Variants in ERC1 observed in about 807,000 individuals in gnomAD.
ERC1 encodes RAB6 interacting protein 2.
Under a neutral mutation model 132.0 loss-of-function variants are expected in ERC1, and 56 were observed. That is an observed-to-expected ratio of 0.42 (90% confidence interval 0.34 to 0.53). ERC1 has a LOEUF of 0.53. Ranked by LOEUF, ERC1 falls within the 20% of genes least tolerant of loss-of-function variation. The probability of loss-of-function intolerance (pLI) is 0.03; values close to 1 mark genes in which losing one functional copy is unlikely to be tolerated. For missense variants in ERC1, 1,202 were observed against 1,349.9 expected (o/e 0.89, Z 1.72); for synonymous variants, 478 against 476.1 (o/e 1.00, Z -0.05).
chr12:1,039,654 G>C (rs1969839272), intron 2 of ERC1, among the ~76,000 whole-genome samples: 1 of 152,192 alleles, frequency 6.6e-6, no homozygotes, highest in Non-Finnish European at 1.5e-5. Flanking sequence ...ATTAGAAAGT[G>C]GAACTAAATT....
At chr12:1,066,765 A>G (rs1365925236) in intron 2 of ERC1, among the ~76,000 whole-genome samples, 2 of 146,178 alleles carry the variant, frequency 1.4e-5, no homozygotes. Flanking sequence ...TGACGCTGGG[A>G]GGTGGAAGTT....
chr12:1,050,714 T>A (rs1184042783), intron 2 of ERC1, among the ~76,000 whole-genome samples: 1 of 152,098 alleles, frequency 6.6e-6, no homozygotes, highest in Non-Finnish European at 1.5e-5. Context: ...AAATAAAAAA[T>A]GAAAGTGTAA....
intron 15 of ERC1, among the ~76,000 whole-genome samples, chr12:1,362,448 G>C (rs74057180): frequency 1.9e-4 from 28 of 144,844 alleles, no homozygotes; most frequent in Middle Eastern, 3.6e-3. Context: ...CTCTCTCTCT[G>C]TCTCTCTCTC....
intron 17 of ERC1, among the ~76,000 whole-genome samples, chr12:1,438,971 A>ATATATATATATATATATATATATATAT (rs879572392): frequency 6.9e-6 from 1 of 144,434 alleles, no homozygotes; most frequent in African/African-American, 2.8e-5. Context: ...ATATATATAT[A>ATATATATATATATATATATATATATAT]AAAAATGACA....
At chr12:1,003,671 G>T (rs1179561937) in intron 1 of ERC1, among the ~76,000 whole-genome samples, 1 of 152,200 alleles carries the variant, frequency 6.6e-6, no homozygotes, top group Non-Finnish European at 1.5e-5. Flanking sequence ...GCATGATGTT[G>T]TCAAGCACAC....
rs770130777 is a variant in ERC1 at position 1,028,226 on chromosome 12, G to A, written c.323G>A (p.Gly108Asp). 3.7e-6 allele frequency: 6 copies of A among 1,614,014 alleles called. No individual in the cohort carries two copies. In the Admixed American group the frequency reaches 8.3e-5, roughly 22 times the overall value. Residue 108 changes from glycine (G) to aspartate (D), a missense_variant, in exon 2 of 19, where the codon GGT (glycine) becomes GAT (aspartate). By Grantham distance (94) the Gly-to-Asp change is moderately conservative. Transcript: ENST00000360905. The part of the protein sequence containing the change: ...LPYGVRMTAM[G>D]SSPNIASSGV... The stretch of plus-strand genomic sequence containing the variant: ...TACGGTGTTCGGATGACTGCTATGG[G>A]TAGTAGCCCCAATATAGCTAGCAGT...
chr12:1,114,570 A>G (rs910988306), intron 6 of ERC1, among the ~76,000 whole-genome samples: 1 of 152,188 alleles, frequency 6.6e-6, no homozygotes, highest in African/African-American at 2.4e-5. Flanking sequence ...TTTTGTTACA[A>G]TCAGTGTGTT....
chr12:1,245,309 A>G (rs1426043007), intron 13 of ERC1, among the ~76,000 whole-genome samples: 1 of 152,218 alleles, frequency 6.6e-6, no homozygotes, highest in Non-Finnish European at 1.5e-5. Flanking sequence ...TGACCTGCAC[A>G]TATATCAAAA....
intron 16 of ERC1, among the ~76,000 whole-genome samples, chr12:1,399,124 T>A (rs957214786): frequency 1.3e-5 from 2 of 151,618 alleles, no homozygotes; most frequent in African/African-American, 2.4e-5. Flanking sequence ...AATTTTTTTT[T>A]ATTTTTTTGT....
chr12:1,060,175 C>CTTTTTTTT (rs563850203), intron 2 of ERC1, among the ~76,000 whole-genome samples: 3 of 144,190 alleles, frequency 2.1e-5, no homozygotes, highest in Non-Finnish European at 3.1e-5. Context: ...AAGGCCACTT[C>CTTTTTTTT]TTTTTTTTTT....
At chr12:1,106,039 T>A (rs188179517) in intron 4 of ERC1, among the ~76,000 whole-genome samples, 79 of 152,340 alleles carry the variant, frequency 5.2e-4, no homozygotes, top group Middle Eastern at 3.4e-3. Flanking sequence ...GGCTGTTCAG[T>A]ATAGTGATTA....
rs1033632095 is a variant in ERC1 at position 1,397,592 on chromosome 12, AG to A, written c.2926-10552del. On this transcript the variant is annotated intron_variant, in intron 16 of 18. Transcript: ENST00000360905. ...AACATATTACTTTTTATGTAAGAAA[AG>A]GGGGAACATGTGCAATTATATGAGT... 4.7e-4 allele frequency among the ~76,000 whole-genome samples: 72 copies of A among 152,194 alleles called. 1 individual carries two copies. The highest frequency in any genetic ancestry group is 3.3e-4 in the Admixed American group (5 of 15,282).
intron 14 of ERC1, among the ~76,000 whole-genome samples, chr12:1,281,643 C>G (rs1279849000): frequency 6.6e-6 from 1 of 152,280 alleles, no homozygotes; most frequent in South Asian, 2.1e-4. Flanking sequence ...GATTCCATTA[C>G]AATCTGTTGC....
chr12:1,014,749 A>C (rs989756787), intron 1 of ERC1, among the ~76,000 whole-genome samples: 1 of 151,070 alleles, frequency 6.6e-6, no homozygotes, highest in Non-Finnish European at 1.5e-5. Context: ...TATTTACTTA[A>C]TTTTTTTTTG....
At chr12:1,172,237 A>C (rs1172358935) in intron 8 of ERC1, among the ~76,000 whole-genome samples, 1 of 152,146 alleles carries the variant, frequency 6.6e-6, no homozygotes, top group African/African-American at 2.4e-5. Context: ...TGAGAGGCCA[A>C]GGTGGGAGGA....
rs537183467 is a variant in ERC1 at position 1,486,494 on chromosome 12, G to A, written c.3214-3599G>A. Among the ~76,000 whole-genome samples, 50 of 151,874 alleles carry A rather than the reference G, an allele frequency of 3.3e-4. No individual in the cohort carries two copies. In the South Asian group the frequency reaches 6.7e-3, roughly 20 times the overall value. ...GGCTGGAGTACAGTGGCACGATCTC[G>A]GCTCACTGCAACCTCCGCCTCCCAG... On this transcript the variant is annotated intron_variant, in intron 18 of 18. Transcript: ENST00000360905.
chr12:1,474,065 G>A (rs1159022564), intron 18 of ERC1, among the ~76,000 whole-genome samples: 4 of 152,242 alleles, frequency 2.6e-5, no homozygotes, highest in East Asian at 1.9e-4. Context: ...TTATGTCTTC[G>A]TATCTCCTAA....
At chr12:1,309,394 T>G (rs895223964) in intron 15 of ERC1, among the ~76,000 whole-genome samples, 1 of 152,200 alleles carries the variant, frequency 6.6e-6, no homozygotes, top group Admixed American at 6.5e-5. Flanking sequence ...TGTGGTAGTA[T>G]TGTAGATAGT....
At chr12:1,383,736 C>T (rs773143302) in intron 16 of ERC1, among the ~76,000 whole-genome samples, 8 of 152,212 alleles carry the variant, frequency 5.3e-5, no homozygotes, top group African/African-American at 1.9e-4. Flanking sequence ...GTGCCGTTTT[C>T]AGAAGCTGTA....
Sources: gnomAD v4.1 joint callset for allele counts (sites outside exome capture counted in the v4.1 genomes callset) on GRCh38, gnomAD v4.1.1 for gene constraint, MANE v1.5 for transcripts, NCBI Gene and HGNC (gene_info 2026-07-23, HGNC 2026-07-21) for gene names.